The following ABCC4 variants were observed in gnomAD, a reference collection of about 807,000 sequenced individuals.
ABCC4 encodes the protein ATP-binding cassette sub-family C member 4.
Under a neutral mutation model 168.5 loss-of-function variants are expected in ABCC4, and 102 were observed. The ratio of observed to expected loss-of-function variants is 0.61; its 90% CI spans 0.52 to 0.71. The LOEUF is 0.71. Ranked by LOEUF, ABCC4 falls within the 30% of genes least tolerant of loss-of-function variation. ABCC4 has a pLI of 0.00. For synonymous variants in ABCC4, 617 were observed against 590.7 expected (o/e 1.04, Z -0.65); for missense variants, 1,402 against 1,605.8 (o/e 0.87, Z 2.17).
chr13:95,177,929 C>T, intron 12 of ABCC4, 68 bp downstream of exon 12: 1 of 1,547,306 alleles, frequency 6.5e-7, no homozygotes, highest in Non-Finnish European at 8.9e-7. Context: ...TAAGCAGGTC[C>T]TATGTGCTCA....
intron 14 of ABCC4, among the ~76,000 whole-genome samples, chr13:95,169,139 C>A (rs546817262): frequency 6.6e-6 from 1 of 152,270 alleles, no homozygotes; most frequent in African/African-American, 2.4e-5. Context: ...TCCCCTGAAG[C>A]CTTCAGAGAG....
At chr13:95,241,532 C>G (rs879415762) in intron 3 of ABCC4, among the ~76,000 whole-genome samples, 2 of 152,066 alleles carry the variant, frequency 1.3e-5, no homozygotes, top group African/African-American at 4.8e-5. Flanking sequence ...CTCCTGCCCC[C>G]CCTGCAGGCT....
chr13:95,089,862 T>C (rs1176802902), intron 20 of ABCC4, among the ~76,000 whole-genome samples: 1 of 149,968 alleles, frequency 6.7e-6, no homozygotes, highest in Non-Finnish European at 1.5e-5. Flanking sequence ...TAGGTGACAG[T>C]GAGACTCTGT....
chr13:95,228,997 A>T (rs979553430), intron 4 of ABCC4, among the ~76,000 whole-genome samples: 5 of 152,218 alleles, frequency 3.3e-5, no homozygotes, highest in African/African-American at 1.2e-4. Flanking sequence ...GTACCTGATA[A>T]TATGAACTCT....
intron 30 of ABCC4, among the ~76,000 whole-genome samples, chr13:95,026,306 A>G (rs1460572900): frequency 6.6e-6 from 1 of 152,196 alleles, no homozygotes; most frequent in East Asian, 1.9e-4. Context: ...AAGATTAGCC[A>G]ATGCTGAAAA....
At chr13:95,038,171 C>T (rs1231645563) in intron 29 of ABCC4, among the ~76,000 whole-genome samples, 1 of 151,964 alleles carries the variant, frequency 6.6e-6, no homozygotes, top group Non-Finnish European at 1.5e-5. Flanking sequence ...AAACAAACTT[C>T]ATTAAAGTTT....
intron 21 of ABCC4, 90 bp from the exon 22 acceptor site, chr13:95,075,641 A>G: frequency 2.6e-6 from 4 of 1,557,258 alleles, no homozygotes; most frequent in Non-Finnish European, 3.5e-6. Context: ...TATCCACCAA[A>G]CAGCACACGC....
intron 13 of ABCC4, among the ~76,000 whole-genome samples, chr13:95,172,777 C>T (rs988365202): frequency 2.7e-5 from 4 of 147,112 alleles, no homozygotes; most frequent in East Asian, 2.0e-4. Flanking sequence ...CAAAAAAACA[C>T]GAAACTTAGC....
intron 4 of ABCC4, among the ~76,000 whole-genome samples, chr13:95,233,872 A>C (rs2039690140): frequency 6.6e-6 from 1 of 152,200 alleles, no homozygotes; most frequent in South Asian, 2.1e-4. Context: ...ATAAAATAGA[A>C]ACACTATAAG....
intron 19 of ABCC4, among the ~76,000 whole-genome samples, chr13:95,132,773 G>C (rs1422123586): frequency 1.3e-5 from 2 of 152,100 alleles, no homozygotes; most frequent in Non-Finnish European, 2.9e-5. Context: ...CTACAACATA[G>C]ATGAACCATA....
intron 19 of ABCC4, among the ~76,000 whole-genome samples, chr13:95,119,138 CA>C (rs1011650769): frequency 3.9e-5 from 6 of 152,288 alleles, no homozygotes; most frequent in Admixed American, 3.9e-4. Context: ...ACTAAGCCCA[CA>C]ATCACAGTAA....
chr13:95,230,594 G>A (rs1490618877), intron 4 of ABCC4, among the ~76,000 whole-genome samples: 2 of 152,170 alleles, frequency 1.3e-5, no homozygotes, highest in Non-Finnish European at 2.9e-5. Context: ...GGCCAACATG[G>A]TGAAACCCTG....
intron 3 of ABCC4, among the ~76,000 whole-genome samples, chr13:95,241,702 C>T (rs1361778657): frequency 6.6e-6 from 1 of 151,368 alleles, no homozygotes; most frequent in Admixed American, 6.6e-5. Flanking sequence ...ACTTGTTTCT[C>T]TGGGCATTAT....
intron 1 of ABCC4, among the ~76,000 whole-genome samples, chr13:95,294,691 G>T (rs2041483409): frequency 6.6e-6 from 1 of 152,128 alleles, no homozygotes; most frequent in Non-Finnish European, 1.5e-5. Context: ...GGCGGCTCAC[G>T]CCTGTAATCC....
chr13:95,123,229 G>C (rs1594133768), intron 19 of ABCC4, among the ~76,000 whole-genome samples: 1 of 152,092 alleles, frequency 6.6e-6, no homozygotes, highest in Admixed American at 6.6e-5. Context: ...TCCTACTTTG[G>C]ACTCATTCCT....
chr13:95,263,682 G>A (rs1004750786), intron 1 of ABCC4, among the ~76,000 whole-genome samples: 2 of 152,122 alleles, frequency 1.3e-5, no homozygotes, highest in East Asian at 3.9e-4. Flanking sequence ...AATTAGCCCA[G>A]CATGGTGGCA....
intron 3 of ABCC4, among the ~76,000 whole-genome samples, chr13:95,237,179 C>T (rs921226144): frequency 1.3e-5 from 2 of 152,172 alleles, no homozygotes; most frequent in African/African-American, 4.8e-5. Context: ...AGGTAGGTCA[C>T]GACTACCTAA....
chr13:95,045,145 C>G (rs2139245140), intron 27 of ABCC4, among the ~76,000 whole-genome samples: 1 of 152,266 alleles, frequency 6.6e-6, no homozygotes, highest in Middle Eastern at 3.4e-3. Context: ...GGAAGTTTCT[C>G]AAAAAATGAA....
intron 1 of ABCC4, among the ~76,000 whole-genome samples, chr13:95,251,625 C>T (rs1206248208): frequency 6.6e-6 from 1 of 152,154 alleles, no homozygotes; most frequent in Non-Finnish European, 1.5e-5. Context: ...TGTATACCTC[C>T]TGAACTTAGG....
Sources: gnomAD v4.1 joint callset for allele counts (sites outside exome capture counted in the v4.1 genomes callset) on GRCh38, gnomAD v4.1.1 for gene constraint, MANE v1.5 for transcripts, NCBI Gene and HGNC (gene_info 2026-07-23, HGNC 2026-07-21) for gene names.